The following FRMPD4 variants were observed in gnomAD, a reference collection of about 807,000 sequenced individuals.
The protein encoded by FRMPD4 is FERM and PDZ domain-containing protein 4.
Under a neutral mutation model 94.1 loss-of-function variants are expected in FRMPD4, and 22 were observed. That is an observed-to-expected ratio of 0.23 (90% CI 0.17 to 0.33). FRMPD4 has a LOEUF of 0.33. Among genes scored for constraint, FRMPD4 ranks in the 10% least tolerant of loss-of-function variants. The probability of loss-of-function intolerance (pLI) is 1.00; values close to 1 mark genes in which losing one functional copy is unlikely to be tolerated. For synonymous variants in FRMPD4, 631 were observed against 548.6 expected, an observed-to-expected ratio of 1.15 and a Z score of -2.10; for missense variants, 1,111 against 1,339.9, an observed-to-expected ratio of 0.83 and a Z score of 2.67.
At chrX:12,137,952 G>C (rs1031606019), upstream of FRMPD4, among the ~76,000 whole-genome samples, 2 of 111,671 alleles carry the variant, frequency 1.8e-5, no homozygotes, top group Non-Finnish European at 3.8e-5. Context: ...TCCGCATCAC[G>C]GGCTCCTGGG....
In FRMPD4 at chrX:11,877,510, G is replaced by A. The variant is rs1468807217; in HGVS notation, c.-29-385G>A. 2.7e-5 allele frequency among the ~76,000 whole-genome samples: 3 copies of A among 111,894 alleles called. No homozygotes were observed. In the Admixed American group the frequency reaches 2.8e-4, roughly 11 times the overall value. ...ATCACTTTGATTCTAACTGCACCGGGTTGTCCTGATTCAGAGGGGTCAGCA... is the reference window on the plus strand; with the variant it reads ...ATCACTTTGATTCTAACTGCACCGGATTGTCCTGATTCAGAGGGGTCAGCA... On this transcript the variant is annotated intron_variant, in intron 2 of 18. Transcript: ENST00000640291.
intron 1 of FRMPD4, among the ~76,000 whole-genome samples, chrX:12,200,084 G>C (rs1436875109): frequency 3.6e-5 from 4 of 111,481 alleles, no homozygotes; most frequent in Non-Finnish European, 7.5e-5. Flanking sequence ...AATTTGAGGA[G>C]GTTCAGTAAT....
intron 3 of FRMPD4, among the ~76,000 whole-genome samples, chrX:12,107,340 T>C (rs1291571602): frequency 8.9e-6 from 1 of 112,015 alleles, no homozygotes; most frequent in East Asian, 2.8e-4. Context: ...CTGAGGGTCA[T>C]GACTGTTAGA....
intron 1 of FRMPD4, among the ~76,000 whole-genome samples, chrX:12,268,303 G>T (rs1026797785): frequency 2.2e-4 from 25 of 112,593 alleles, no homozygotes; most frequent in African/African-American, 7.4e-4. Flanking sequence ...AAGAGGAGGA[G>T]AACATAGATA....
At chrX:12,177,449 C>G (rs1361377809) in intron 1 of FRMPD4, among the ~76,000 whole-genome samples, 1 of 112,380 alleles carries the variant, frequency 8.9e-6, no homozygotes, top group Non-Finnish European at 1.9e-5. Flanking sequence ...TAAGACATTT[C>G]TAAATCACTT....
intron 1 of FRMPD4, among the ~76,000 whole-genome samples, chrX:12,442,033 T>C (rs2057143239): frequency 8.9e-6 from 1 of 111,838 alleles, no homozygotes; most frequent in South Asian, 3.8e-4. Flanking sequence ...ATCACTGTGC[T>C]ACAAATGGAT....
At chrX:11,838,516 T>C (rs894604868) in intron 1 of FRMPD4, among the ~76,000 whole-genome samples, 1 of 111,536 alleles carries the variant, frequency 9.0e-6, no homozygotes, top group Non-Finnish European at 1.9e-5. Context: ...CCAAAGGTTT[T>C]CTTTTTGTAT....
At chrX:12,282,368 G>A (rs1462676532) in intron 1 of FRMPD4, among the ~76,000 whole-genome samples, 1 of 112,328 alleles carries the variant, frequency 8.9e-6, no homozygotes, top group Non-Finnish European at 1.9e-5. Flanking sequence ...TTTAAATACA[G>A]AAGAAAAACT....
intron 3 of FRMPD4, among the ~76,000 whole-genome samples, chrX:12,074,399 G>A (rs1269499073): frequency 9.0e-6 from 1 of 110,767 alleles, no homozygotes; most frequent in Non-Finnish European, 1.9e-5. Context: ...TTTCTCTTGT[G>A]TGTCTTATTA....
At chrX:12,065,853 G>A (rs888909413) in intron 3 of FRMPD4, among the ~76,000 whole-genome samples, 1 of 111,870 alleles carries the variant, frequency 8.9e-6, no homozygotes, top group African/African-American at 3.2e-5. Flanking sequence ...AATTATGTGA[G>A]AAATTACTCA....
chrX:12,423,884 G>A (rs1021479917), intron 1 of FRMPD4, among the ~76,000 whole-genome samples: 5 of 111,563 alleles, frequency 4.5e-5, no homozygotes, highest in East Asian at 2.8e-4. Context: ...ACTACTGGAT[G>A]GCTTAGGCTT....
At chrX:12,149,582 A>G (rs1048541795) in intron 1 of FRMPD4, among the ~76,000 whole-genome samples, 2 of 112,330 alleles carry the variant, frequency 1.8e-5, no homozygotes, top group Non-Finnish European at 3.8e-5. Context: ...GTTGCTTCTT[A>G]TGGATGAGCA....
chrX:12,618,724 A>C (rs2059259385), intron 4 of FRMPD4, among the ~76,000 whole-genome samples: 1 of 111,575 alleles, frequency 9.0e-6, no homozygotes, highest in Admixed American at 9.5e-5. Flanking sequence ...AGCAACATAA[A>C]TCTACTAACT....
At chrX:12,714,585 A>G (rs2042044796) in intron 14 of FRMPD4, among the ~76,000 whole-genome samples, 1 of 111,951 alleles carries the variant, frequency 8.9e-6, no homozygotes, top group Non-Finnish European at 1.9e-5. Flanking sequence ...GGCTACTTTC[A>G]TATTAAAACA....
chrX:12,284,465 T>A (rs942352975), intron 1 of FRMPD4, among the ~76,000 whole-genome samples: 2 of 111,533 alleles, frequency 1.8e-5, no homozygotes, highest in Non-Finnish European at 3.8e-5. Flanking sequence ...TTTGCGGAAG[T>A]GTAAGACCAA....
intron 2 of FRMPD4, among the ~76,000 whole-genome samples, chrX:12,581,721 T>C (rs973680679): frequency 1.8e-5 from 2 of 111,748 alleles, no homozygotes; most frequent in Non-Finnish European, 3.8e-5. Context: ...GCCCACTGCC[T>C]GCTTGTGATT....
At chrX:12,387,399 C>G (rs921924599) in intron 1 of FRMPD4, among the ~76,000 whole-genome samples, 1 of 111,775 alleles carries the variant, frequency 8.9e-6, no homozygotes, top group African/African-American at 3.2e-5. Context: ...TAAATAATGT[C>G]AAAGCAACTG....
Position 12,717,079 on chromosome X carries a change from G to C in FRMPD4, c.2620G>C (p.Gly874Arg), listed in dbSNP as rs764279201. 2 of 1,205,365 alleles carry C rather than the reference G, an allele frequency of 1.7e-6. No homozygotes were observed. The highest frequency in any genetic ancestry group is 2.2e-6 in the Non-Finnish European group (2 of 890,754). ...GLDNAVVSTL[G>R]ALEALSVSEE... ...GGATAATGCCGTCGTCTCCACGCTG[G>C]GAGCTCTAGAGGCTCTATCCGTGTC... The change falls in exon 15 of 17, where the codon GGA (glycine) becomes CGA (arginine). Residue 874 changes from glycine (G) to arginine (R), a missense_variant. By Grantham distance (125) the Gly-to-Arg change is moderately radical (BLOSUM62 -2). Around this residue, in one of 8 missense-constraint regions of FRMPD4, gnomAD observed 74 missense variants for 93.9 expected, o/e 0.79. Coordinates refer to ENST00000675598, the MANE Select transcript of FRMPD4 (RefSeq NM_001368397.1).
intron 3 of FRMPD4, among the ~76,000 whole-genome samples, chrX:12,066,572 T>A (rs139028010): frequency 1.6e-3 from 179 of 111,650 alleles, no homozygotes; most frequent in Non-Finnish European, 2.8e-3. Context: ...TTGGGCATGT[T>A]CATGGGGGTA....
Sources: allele counts gnomAD v4.1 joint callset (sites outside exome capture counted in the v4.1 genomes callset), GRCh38; gene constraint gnomAD v4.1.1; regional missense constraint gnomAD v4.1.1; transcripts MANE v1.5; gene names NCBI Gene and HGNC (gene_info 2026-07-23, HGNC 2026-07-21).